VPS18: variants seen among roughly 807,000 people sequenced by gnomAD.
The protein encoded by VPS18 is VPS18 core subunit of CORVET and HOPS complexes.
In VPS18, 25 loss-of-function variants were observed where a neutral mutation model predicts 82.0. The observed-to-expected ratio is 0.30, with a 90% confidence interval of 0.22 to 0.43. VPS18 has a LOEUF of 0.43. Among genes scored for constraint, VPS18 ranks in the 20% least tolerant of loss-of-function variants. VPS18 has a pLI of 1.00. For missense variants in VPS18, 1,168 were observed against 1,311.1 expected (o/e 0.89, Z 1.69); for synonymous variants, 523 against 543.0 (o/e 0.96, Z 0.51).
rs201397772 is a variant in VPS18, at chr15:40,900,128, G to T, written c.1310G>T (p.Arg437Leu). Residue 437 changes from arginine (R) to leucine (L), a missense_variant, in exon 4 of 5, where the codon CGT becomes CTT. Physicochemically the swap from Arg to Leu is moderately radical, Grantham distance 102. This residue lies in a region of VPS18 where 868 missense variants were observed against 939.8 expected (regional missense o/e 0.92). Transcript: ENST00000220509. The surrounding 1 kb of genome is among the most constrained non-coding windows in gnomAD (Gnocchi z 5.4). ...GAGGCCGATTTCTGCTTTCGCCAGC[G>T]TCGCTACCTGGAGAGCGCACGCTGC... The part of the protein sequence containing the change: ...AREADFCFRQ[R>L]RYLESARCYA... The T allele has an allele frequency of 4.3e-6, 7 of 1,613,670 alleles. No homozygotes were observed. The Admixed American group carries it at 5.0e-5, about 12-fold the overall frequency.
At chr15:40,901,149 T>C in intron 4 of VPS18, 135 bp downstream of exon 4, 1 of 935,004 alleles carries the variant, frequency 1.1e-6, no homozygotes, top group Non-Finnish European at 1.6e-6. Context: ...GAGCATGGAC[T>C]GTTAAGTCAG....
rs767239956 is a variant in VPS18, at chr15:40,899,047, C to T, written c.325+49C>T. ...GAGGGGGTCTCTGGTCAGTCACTGCCTGGGTGGGTGGGCTCTGAGGGTGGT... is the reference window on the plus strand; with the variant it reads ...GAGGGGGTCTCTGGTCAGTCACTGCTTGGGTGGGTGGGCTCTGAGGGTGGT... On this transcript the variant is annotated intron_variant, in intron 3 of 4. Transcript: ENST00000220509. This position sits in a 1 kb window ranked among gnomAD's most constrained non-coding sequence, Gnocchi z 4.4. 3 of 1,606,248 alleles carry T rather than the reference C, an allele frequency of 1.9e-6. No homozygotes were observed. The highest frequency in any genetic ancestry group is 2.5e-6 in the Non-Finnish European group (3 of 1,177,218).
intron 2 of VPS18, 155 bp from the exon 3 acceptor site, chr15:40,898,752 C>T (rs903370185): frequency 1.2e-6 from 1 of 817,180 alleles, no homozygotes; most frequent in East Asian, 2.7e-5. Flanking sequence ...GGATTACAGG[C>T]TGAGCCAGTG....
intron 2 of VPS18, among the ~76,000 whole-genome samples, chr15:40,898,318 C>T (rs1472777360): frequency 6.6e-6 from 1 of 151,530 alleles, no homozygotes; most frequent in Non-Finnish European, 1.5e-5. Flanking sequence ...AGGCAGGCCT[C>T]AAACTCCTGG....
At chr15:40,901,410 A>C (rs1428314550) in intron 4 of VPS18, among the ~76,000 whole-genome samples, 1 of 151,738 alleles carries the variant, frequency 6.6e-6, no homozygotes, top group African/African-American at 2.4e-5. Context: ...AACATGGTGA[A>C]ACCCCATCTC....
chr15:40,899,523 A>G lies in VPS18; in HGVS notation c.705A>G (p.Ala235=), dbSNP rs1248353337. Residue 235 remains alanine, a synonymous_variant, in exon 4 of 5, where the codon GCA becomes GCG. Coordinates refer to ENST00000220509, the MANE Select transcript of VPS18 (RefSeq NM_020857.3). This position sits in a 1 kb window ranked among gnomAD's most constrained non-coding sequence, Gnocchi z 4.4. ...GCCTCTTCCAGTTCATAGGCCGAGC[A>G]GCAGAGGGGGCTGAGGCCCAGGGTT... ...RQRLFQFIGR[A]AEGAEAQGFS... is the part of the protein sequence containing the mutation. 1 of 1,610,490 alleles carries G rather than the reference A, an allele frequency of 6.2e-7. No homozygotes were observed. Among genetic ancestry groups the G allele is most frequent in the Non-Finnish European group, 8.5e-7 (1 of 1,180,012 alleles).
In VPS18 at chr15:40,903,088, A is replaced by G. The variant is rs1299209183; in HGVS notation, c.2669A>G (p.Tyr890Cys). The change falls in exon 5 of 5, where the codon TAC becomes TGC. Residue 890 changes from tyrosine (Y) to cysteine (C), a missense_variant. Tyr to Cys is a radical substitution (Grantham distance 194, BLOSUM62 -2). Coordinates refer to ENST00000220509, the MANE Select transcript of VPS18 (RefSeq NM_020857.3). ...LQAVRPGLPAYKQARLEELQR... is the reference protein window; with the variant it reads ...LQAVRPGLPACKQARLEELQR... ...GCTGTGCGACCTGGCCTGCCAGCCT[A>G]CAAGCAGGCCCGGCTGGAGGAGCTG... 1.2e-6 allele frequency: 2 copies of G among 1,613,674 alleles called. No individual in the cohort carries two copies. The highest frequency in any genetic ancestry group is 1.7e-6 in the Non-Finnish European group (2 of 1,179,816).
Position 40,899,811 on chromosome 15 carries a change from C to G in VPS18, c.993C>G (p.Thr331=). Residue 331 remains threonine (T), a synonymous_variant, in exon 4 of 5, where the codon ACC becomes ACG. Transcript: ENST00000220509. The surrounding 1 kb of genome is among the most constrained non-coding windows in gnomAD (Gnocchi z 4.4). The stretch of plus-strand genomic sequence containing the variant: ...GCCCACCCCTAGCCATCGTCTTGAC[C>G]CAGTTCCACTTCCTGCTGCTACTGG... ...GASPPLAIVL[T]QFHFLLLLAD... The G allele has an allele frequency of 6.2e-7, 1 of 1,610,716 alleles. No individual in the cohort carries two copies. Among genetic ancestry groups the G allele is most frequent in the Non-Finnish European group, 8.5e-7 (1 of 1,180,018 alleles).
intron 1 of VPS18, among the ~76,000 whole-genome samples, chr15:40,895,149 G>C (rs563724623): frequency 6.6e-6 from 1 of 152,334 alleles, no homozygotes; most frequent in Non-Finnish European, 1.5e-5. Flanking sequence ...GGGCTGTTGG[G>C]AGAACTTAGA....
Position 40,899,422 on chromosome 15 carries a change from C to G in VPS18, c.604C>G (p.Pro202Ala), listed in dbSNP as rs777722148. Reference protein sequence around the residue: ...PLYVLNEEGGPAPVCSLEAER... With the variant: ...PLYVLNEEGGAAPVCSLEAER... ...GTACGTGCTAAATGAAGAAGGGGGT[C>G]CAGCACCTGTGTGCTCCCTTGAGGC... The change falls in exon 4 of 5, where the codon CCA becomes GCA. Residue 202 changes from proline (P) to alanine (A), a missense_variant. Transcript: ENST00000220509. This position sits in a 1 kb window ranked among gnomAD's most constrained non-coding sequence, Gnocchi z 4.4. 5.6e-6 allele frequency: 9 copies of G among 1,603,688 alleles called. No homozygotes were observed. Among genetic ancestry groups the G allele is most frequent in the South Asian group, 3.3e-5 (3 of 90,456 alleles).
chr15:40,899,479 A>G lies in VPS18; in HGVS notation c.661A>G (p.Ile221Val), dbSNP rs1892299821. ...ERGPDGRSFV[I>V]ATTRQRLFQF... Reference sequence around the variant, plus strand: ...GGGCCCTGATGGGCGTAGCTTTGTTATTGCCACCACTCGGCAGCGCCTCTT... The same window carrying G: ...GGGCCCTGATGGGCGTAGCTTTGTTGTTGCCACCACTCGGCAGCGCCTCTT... The change falls in exon 4 of 5, where the codon ATT becomes GTT. Residue 221 changes from isoleucine to valine, a missense_variant. By Grantham distance (29) the Ile-to-Val change is conservative. Coordinates refer to ENST00000220509, the MANE Select transcript of VPS18 (RefSeq NM_020857.3). This position sits in a 1 kb window ranked among gnomAD's most constrained non-coding sequence, Gnocchi z 4.4. The G allele has an allele frequency of 1.2e-6, 2 of 1,611,108 alleles. No individual in the cohort carries two copies. The highest frequency in any genetic ancestry group is 1.7e-6 in the Non-Finnish European group (2 of 1,178,726).
chr15:40,900,996 C>T lies in VPS18; in HGVS notation c.2178C>T (p.Ala726=), dbSNP rs371169887. Residue 726 remains alanine, a synonymous_variant, in exon 4 of 5, where the codon GCC becomes GCT. Transcript: ENST00000220509. The surrounding 1 kb of genome is among the most constrained non-coding windows in gnomAD (Gnocchi z 5.4). ...VYKVLELYEE[A]VDLALQVDVD... ...AGGTCCTAGAGCTGTATGAGGAGGC[C>T]GTGGACCTGGCCCTGCAGGTAAGCC... The T allele has an allele frequency of 8.7e-6, 14 of 1,602,100 alleles. No individual in the cohort carries two copies. Among genetic ancestry groups the T allele is most frequent in the Admixed American group, 5.0e-5 (3 of 59,932 alleles).
At chr15:40,898,253 CTTT>C (rs557809560) in intron 2 of VPS18, among the ~76,000 whole-genome samples, 2 of 142,814 alleles carry the variant, frequency 1.4e-5, no homozygotes, top group African/African-American at 5.1e-5. Flanking sequence ...CGCGCCCGGC[CTTT>C]TTTTTTTTTT....
chr15:40,894,825 G>T lies in VPS18; in HGVS notation c.57G>T (p.Gln19His). The T allele has an allele frequency of 6.4e-7, 1 of 1,555,266 alleles. No individual in the cohort carries two copies. The highest frequency in any genetic ancestry group is 1.9e-5 in the Admixed American group (1 of 51,548). Reference sequence around the variant, plus strand: ...CGCTGTCCCGCTCGGCCGTCTTGCAGCCCGGCTGCCCTAGCGTGGGCATCC... The same window carrying T: ...CGCTGTCCCGCTCGGCCGTCTTGCATCCCGGCTGCCCTAGCGTGGGCATCC... ...ENSLSRSAVL[Q>H]PGCPSVGIPH... is the part of the protein sequence containing the mutation. Residue 19 changes from glutamine to histidine, a missense_variant, in exon 1 of 5, where the codon CAG becomes CAT. This residue lies in a region of VPS18 where 868 missense variants were observed against 939.8 expected (regional missense o/e 0.92). Transcript: ENST00000220509.
At chr15:40,897,288 CTT>C (rs1211822376) in intron 2 of VPS18, among the ~76,000 whole-genome samples, 2 of 148,210 alleles carry the variant, frequency 1.3e-5, no homozygotes, top group African/African-American at 5.0e-5. Flanking sequence ...AAGAGCAAGA[CTT>C]TGTCTGAAAA....
chr15:40,903,190 C>T lies in VPS18; in HGVS notation c.2771C>T (p.Thr924Met), dbSNP rs778420420. ...AAGGAGGCCGAGGGTGGGGCTGCCA[C>T]GGCAGGGCCCAGCCGGGAACAGCTC... is the stretch of plus-strand genomic sequence containing the variant. ...RAKEAEGGAA[T>M]AGPSREQLKA... The change falls in exon 5 of 5, where the codon ACG (threonine) becomes ATG (methionine). Residue 924 changes from threonine to methionine, a missense_variant. By Grantham distance (81) the Thr-to-Met change is moderately conservative. Coordinates refer to ENST00000220509, the MANE Select transcript of VPS18 (RefSeq NM_020857.3). 5.1e-5 allele frequency: 82 copies of T among 1,608,952 alleles called. No homozygotes were observed. The highest frequency in any genetic ancestry group is 5.9e-5 in the Non-Finnish European group (69 of 1,177,692).
intron 2 of VPS18, among the ~76,000 whole-genome samples, chr15:40,897,219 C>T (rs377587898): frequency 1.3e-5 from 2 of 151,452 alleles, no homozygotes; most frequent in East Asian, 1.9e-4. Flanking sequence ...GGCTTGAACC[C>T]GGGAGGCAGA....
Position 40,900,555 on chromosome 15 carries a change from C to T in VPS18, c.1737C>T (p.Tyr579=), listed in dbSNP as rs552040358. The part of the protein sequence containing the change: ...VVAYHCQHEA[Y]EEALAVLARH... ...CTTACCACTGTCAGCACGAGGCCTA[C>T]GAGGAGGCCCTGGCCGTGCTCGCCC... Residue 579 remains tyrosine, a synonymous_variant, in exon 4 of 5, where the codon TAC becomes TAT. Transcript: ENST00000220509. This position sits in a 1 kb window ranked among gnomAD's most constrained non-coding sequence, Gnocchi z 5.4. 40 of 1,613,948 alleles carry T rather than the reference C, an allele frequency of 2.5e-5. No homozygotes were observed. Among genetic ancestry groups the T allele is most frequent in the Non-Finnish European group, 3.0e-5 (35 of 1,180,020 alleles).
rs374682416 is a variant in VPS18 at position 40,899,884 on chromosome 15, C to T, written c.1066C>T (p.Arg356Trp). 12 of 1,609,530 alleles carry T rather than the reference C, an allele frequency of 7.5e-6. No homozygotes were observed. The highest frequency in any genetic ancestry group is 1.6e-4 in the Middle Eastern group (1 of 6,084). Residue 356 changes from arginine (R) to tryptophan (W), a missense_variant, in exon 4 of 5, where the codon CGG becomes TGG. Coordinates refer to ENST00000220509, the MANE Select transcript of VPS18 (RefSeq NM_020857.3). The surrounding 1 kb of genome is among the most constrained non-coding windows in gnomAD (Gnocchi z 4.4). ...CACACTGACCGGGCAGGTGGTGCTG[C>T]GGGATCACTTCCTGGAGAAATTTGG... Reference protein sequence around the residue: ...VCTLTGQVVLRDHFLEKFGPL... With the variant: ...VCTLTGQVVLWDHFLEKFGPL...
Sources: allele counts gnomAD v4.1 joint callset (sites outside exome capture counted in the v4.1 genomes callset), GRCh38; gene constraint gnomAD v4.1.1; regional missense constraint gnomAD v4.1.1; non-coding constraint Gnocchi (gnomAD v3.1); transcripts MANE v1.5; gene names NCBI Gene and HGNC (gene_info 2026-07-23, HGNC 2026-07-21).